RBFOX1: variants seen among roughly 807,000 people sequenced by gnomAD.
The protein encoded by RBFOX1 is RNA binding protein fox-1 homolog 1.
In RBFOX1, 8 loss-of-function variants were observed where a neutral mutation model predicts 57.7. The ratio of observed to expected loss-of-function variants is 0.14; its 90% confidence interval spans 0.08 to 0.25. The LOEUF is 0.25. Ranked by LOEUF, RBFOX1 falls within the 10% of genes least tolerant of loss-of-function variation. The pLI is 1.00. For missense variants in RBFOX1, 611 were observed against 548.5 expected (o/e 1.11, Z -1.14); for synonymous variants, 326 against 222.4 (o/e 1.47, Z -4.15).
At chr16:6,676,119 G>A (rs985718176) in intron 3 of RBFOX1, among the ~76,000 whole-genome samples, 1 of 144,670 alleles carries the variant, frequency 6.9e-6, no homozygotes, top group Admixed American at 7.3e-5. Context: ...GAAGGATGCT[G>A]CCTAGGGGAC....
At chr16:7,627,271 ACT>A (rs1402103751) in intron 10 of RBFOX1, among the ~76,000 whole-genome samples, 1 of 151,986 alleles carries the variant, frequency 6.6e-6, no homozygotes, top group Non-Finnish European at 1.5e-5. Context: ...CACTTCACCA[ACT>A]CTAATCAAAT....
intron 4 of RBFOX1, among the ~76,000 whole-genome samples, chr16:7,053,903 C>T (rs1009850420): frequency 6.6e-6 from 1 of 152,036 alleles, no homozygotes; most frequent in African/African-American, 2.4e-5. Flanking sequence ...ATAGATGGCA[C>T]ATTTGATTGG....
At chr16:7,554,942 A>T (rs983062912) in intron 5 of RBFOX1, among the ~76,000 whole-genome samples, 1 of 152,240 alleles carries the variant, frequency 6.6e-6, no homozygotes, top group African/African-American at 2.4e-5. Context: ...TAGTAATAAA[A>T]GCCAAGTAGA....
chr16:6,073,791 AT>A (rs56684513), intron 1 of RBFOX1, among the ~76,000 whole-genome samples: 1 of 150,818 alleles, frequency 6.6e-6, no homozygotes, highest in Non-Finnish European at 1.5e-5. Flanking sequence ...AAAGGTATAT[AT>A]TTTTTTTATT....
At chr16:5,909,843 G>T (rs1014344786) in intron 4 of RBFOX1, among the ~76,000 whole-genome samples, 3 of 152,076 alleles carry the variant, frequency 2.0e-5, no homozygotes, top group Non-Finnish European at 4.4e-5. Context: ...CTTGAGGTCA[G>T]GAGTTTCGAG....
At chr16:7,270,561 G>A (rs796332819) in intron 4 of RBFOX1, among the ~76,000 whole-genome samples, 14 of 152,256 alleles carry the variant, frequency 9.2e-5, no homozygotes, top group African/African-American at 3.4e-4. Context: ...CTCACTGCTG[G>A]CCCACAGACT....
At chr16:6,812,432 G>C (rs924934841) in intron 3 of RBFOX1, among the ~76,000 whole-genome samples, 1 of 152,092 alleles carries the variant, frequency 6.6e-6, no homozygotes, top group African/African-American at 2.4e-5. Flanking sequence ...GGAGTGCAGT[G>C]GCCCGATCTC....
chr16:7,102,201 G>T (rs1025297671), intron 4 of RBFOX1, among the ~76,000 whole-genome samples: 1 of 152,168 alleles, frequency 6.6e-6, no homozygotes, highest in Non-Finnish European at 1.5e-5. Context: ...GTTTGCAGGG[G>T]CATTCCCTGA....
At chr16:7,601,897 C>G (rs970617359) in intron 9 of RBFOX1, among the ~76,000 whole-genome samples, 2 of 152,088 alleles carry the variant, frequency 1.3e-5, no homozygotes, top group African/African-American at 4.8e-5. Context: ...ATTCAGTGAA[C>G]CCAAACAAAA....
intron 4 of RBFOX1, among the ~76,000 whole-genome samples, chr16:7,230,146 C>T (rs114256759): frequency 6.6e-6 from 1 of 151,292 alleles, no homozygotes. Context: ...GCCTCCTCAT[C>T]CTTTTTTTCT....
chr16:7,543,513 C>A (rs1186256166), intron 5 of RBFOX1, among the ~76,000 whole-genome samples: 1 of 152,090 alleles, frequency 6.6e-6, no homozygotes, highest in Admixed American at 6.5e-5. Flanking sequence ...TCAGAGGAGA[C>A]AATGGAATCT....
At chr16:7,028,257 T>C (rs752991898) in intron 3 of RBFOX1, among the ~76,000 whole-genome samples, 2 of 152,122 alleles carry the variant, frequency 1.3e-5, no homozygotes, top group Non-Finnish European at 2.9e-5. Flanking sequence ...GCTCTACGTG[T>C]AAGCCATTTT....
chr16:6,182,714 C>T (rs551813697), intron 1 of RBFOX1, among the ~76,000 whole-genome samples: 1 of 152,290 alleles, frequency 6.6e-6, no homozygotes, highest in South Asian at 2.1e-4. Context: ...TTCTGACCAC[C>T]TGTGGACATT....
At chr16:6,436,415 G>A (rs1292479517) in intron 2 of RBFOX1, among the ~76,000 whole-genome samples, 1 of 151,436 alleles carries the variant, frequency 6.6e-6, no homozygotes, top group South Asian at 2.1e-4. Context: ...CAGAAAACAG[G>A]TATTTAATTC....
intron 4 of RBFOX1, among the ~76,000 whole-genome samples, chr16:7,454,115 C>T (rs2057985617): frequency 6.6e-6 from 1 of 152,178 alleles, no homozygotes; most frequent in Non-Finnish European, 1.5e-5. Flanking sequence ...TGCCTGTAAT[C>T]CCAGCTACTC....
At chr16:5,888,424 C>A (rs1292953135) in intron 4 of RBFOX1, among the ~76,000 whole-genome samples, 1 of 151,960 alleles carries the variant, frequency 6.6e-6, no homozygotes, top group African/African-American at 2.4e-5. Context: ...ATGATAGTTC[C>A]CTGAGAGTCT....
chr16:6,198,852 A>C (rs2097197450), intron 1 of RBFOX1, among the ~76,000 whole-genome samples: 1 of 152,148 alleles, frequency 6.6e-6, no homozygotes, highest in African/African-American at 2.4e-5. Context: ...TACACCATCA[A>C]GATGAGCTCT....
chr16:7,258,860 T>G (rs894513269), intron 4 of RBFOX1, among the ~76,000 whole-genome samples: 6 of 152,186 alleles, frequency 3.9e-5, no homozygotes, highest in Admixed American at 3.9e-4. Context: ...TTTAAAATTA[T>G]TAGGGCTCCT....
At chr16:5,898,266 A>C (rs1344044287) in intron 4 of RBFOX1, among the ~76,000 whole-genome samples, 1 of 152,164 alleles carries the variant, frequency 6.6e-6, no homozygotes, top group Admixed American at 6.5e-5. Flanking sequence ...CTTCCATGAC[A>C]CGTGGGGTTT....
Sources: allele counts gnomAD v4.1 joint callset (sites outside exome capture counted in the v4.1 genomes callset), GRCh38; gene constraint gnomAD v4.1.1; transcripts MANE v1.5; gene names NCBI Gene and HGNC (gene_info 2026-07-23, HGNC 2026-07-21).